The following RBMS1 variants were observed in gnomAD, a reference collection of about 807,000 sequenced individuals.
RBMS1 encodes the protein RNA binding motif single stranded interacting protein 1, also known as RNA-binding motif, single-stranded-interacting protein 1.
RBMS1 carries 17 observed loss-of-function variants against 62.3 expected under a neutral mutation model. The observed-to-expected ratio is 0.27, with a 90% CI of 0.19 to 0.41. The LOEUF (loss-of-function observed/expected upper bound fraction) is 0.41, where lower values mean the gene tolerates loss of function less well. RBMS1 is among the 10% of genes least tolerant of loss of function. The pLI is 1.00. For missense variants in RBMS1, 334 were observed against 504.5 expected, an observed-to-expected ratio of 0.66 and a Z score of 3.24; for synonymous variants, 172 against 170.0, an observed-to-expected ratio of 1.01 and a Z score of -0.09.
chr2:160,436,928 C>T (rs1683135423), intron 1 of RBMS1, among the ~76,000 whole-genome samples: 2 of 152,096 alleles, frequency 1.3e-5, no homozygotes, highest in Admixed American at 6.6e-5. Flanking sequence ...ATGTGTTTAG[C>T]AAAAGAATCT....
At chr2:160,335,615 C>T (rs113114356) in intron 2 of RBMS1, among the ~76,000 whole-genome samples, 4 of 152,146 alleles carry the variant, frequency 2.6e-5, no homozygotes, top group African/African-American at 7.2e-5. Flanking sequence ...AACAGATTTT[C>T]GTAGAATCTT....
intron 2 of RBMS1, among the ~76,000 whole-genome samples, chr2:160,347,938 G>C (rs1356464374): frequency 6.6e-6 from 1 of 151,952 alleles, no homozygotes; most frequent in Admixed American, 6.6e-5. Flanking sequence ...GAGAAATGAG[G>C]CTAAAATAAA....
chr2:160,444,864 C>G (rs1337645348), intron 1 of RBMS1, among the ~76,000 whole-genome samples: 2 of 152,160 alleles, frequency 1.3e-5, no homozygotes, highest in Non-Finnish European at 1.5e-5. Context: ...AGGAGACACC[C>G]TTGGCAAGCC....
intron 1 of RBMS1, among the ~76,000 whole-genome samples, chr2:160,479,407 G>T (rs986279209): frequency 6.6e-6 from 1 of 152,230 alleles, no homozygotes; most frequent in African/African-American, 2.4e-5. Flanking sequence ...GCTAGCTGTA[G>T]AAAGCACAAA....
At position 160,493,567 on chromosome 2, in the gene RBMS1, TCCTCTTCC is replaced by T; in HGVS notation, c.-212_-205del. 10 of 590,636 alleles carry T rather than the reference TCCTCTTCC, an allele frequency of 1.7e-5. No homozygotes were observed. The highest frequency in any genetic ancestry group is 2.9e-5 in the Admixed American group (1 of 34,616). 36.6% of individuals were successfully genotyped at this position (590,636 alleles called of 1,614,324 possible). On this transcript the variant is annotated 5_prime_UTR_variant, in exon 1 of 14. Coordinates refer to ENST00000348849, the MANE Select transcript of RBMS1 (RefSeq NM_016836.4). ...TTCCTCCTCCTCCTCCTCCTCCTCC[TCCTCTTCC>T]TCCTCCTCCTCCTCCTCCCAGGCAG... is the stretch of plus-strand genomic sequence containing the variant.
At chr2:160,443,257 G>A (rs2105306566) in intron 1 of RBMS1, among the ~76,000 whole-genome samples, 1 of 151,204 alleles carries the variant, frequency 6.6e-6, no homozygotes, top group East Asian at 1.9e-4. Context: ...CAGAAAGAGA[G>A]CACAGCCCCT....
chr2:160,367,574 T>C (rs1305341176), intron 1 of RBMS1, 183 bp from the exon 2 acceptor site: 9 of 1,146,166 alleles, frequency 7.9e-6, no homozygotes, highest in Non-Finnish European at 1.0e-5. Context: ...CAACATAAAA[T>C]TGATAATAGG....
rs565449663 is a variant in RBMS1, at chr2:160,426,297, A to AGAAGGAAGGAAG, written c.76-58918_76-58907dup. Among the ~76,000 whole-genome samples, 137 of 56,162 alleles carry AGAAGGAAGGAAG rather than the reference A, an allele frequency of 2.4e-3. 7 individuals carry two copies. The highest frequency in any genetic ancestry group is 0.02 in the Admixed American group (103 of 5,156). The allele number at this position is 56,162 out of a possible 152,430, so 36.8% of individuals were successfully genotyped here. Reference sequence around the variant, plus strand: ...AGAAAGAAAGAAAGAAAGAAAAGAAAGAAGGAAGGAAGGAAGGAAGGAAGG... The same window carrying AGAAGGAAGGAAG: ...AGAAAGAAAGAAAGAAAGAAAAGAAAGAAGGAAGGAAGGAAGGAAGGAAGGAAGGAAGGAAGG... On this transcript the variant is annotated intron_variant, in intron 1 of 13. Coordinates refer to ENST00000348849, the MANE Select transcript of RBMS1 (RefSeq NM_016836.4).
intron 6 of RBMS1, among the ~76,000 whole-genome samples, chr2:160,293,357 C>T (rs1476642218): frequency 2.6e-5 from 4 of 152,162 alleles, no homozygotes; most frequent in Admixed American, 2.6e-4. Context: ...TTTCAAGCCC[C>T]ACTGGACACA....
intron 1 of RBMS1, among the ~76,000 whole-genome samples, chr2:160,404,054 G>A (rs948715106): frequency 6.6e-6 from 1 of 152,138 alleles, no homozygotes; most frequent in Non-Finnish European, 1.5e-5. Context: ...CTTTTCATAC[G>A]ATCAGATTGG....
chr2:160,329,113 T>C (rs994540800), intron 2 of RBMS1, among the ~76,000 whole-genome samples: 6 of 152,174 alleles, frequency 3.9e-5, no homozygotes, highest in African/African-American at 9.7e-5. Context: ...CACCAGCATA[T>C]TGATTTTCAA....
chr2:160,381,318 G>A (rs1250412276), intron 1 of RBMS1, among the ~76,000 whole-genome samples: 1 of 151,980 alleles, frequency 6.6e-6, no homozygotes, highest in Non-Finnish European at 1.5e-5. Flanking sequence ...TTATCTTTTT[G>A]TTACTATCAA....
At chr2:160,460,637 T>C (rs1401335677) in intron 1 of RBMS1, among the ~76,000 whole-genome samples, 1 of 152,230 alleles carries the variant, frequency 6.6e-6, no homozygotes, top group African/African-American at 2.4e-5. Flanking sequence ...CTGTTGCTTT[T>C]CCGCAATTTC....
chr2:160,298,829 A>G (rs1689068236), intron 6 of RBMS1, among the ~76,000 whole-genome samples: 1 of 152,200 alleles, frequency 6.6e-6, no homozygotes, highest in African/African-American at 2.4e-5. Flanking sequence ...CCTTCATCCA[A>G]TATGGCTGCG....
intron 1 of RBMS1, among the ~76,000 whole-genome samples, chr2:160,368,507 A>C (rs1276268112): frequency 6.6e-6 from 1 of 152,160 alleles, no homozygotes. Context: ...GACCCCTTAC[A>C]ATAAGCATAT....
rs1688298403 is a variant in RBMS1, at chr2:160,284,999, T to C, written c.802A>G (p.Asn268Asp). 1.9e-6 allele frequency: 3 copies of C among 1,612,982 alleles called. No homozygotes were observed. The South Asian group carries it at 3.3e-5, about 18-fold the overall frequency. ...GGATTTATTTTAACGACATACCCGT[T>C]CTGTATAGCAGCTGTAGTTGGGTCG... is the stretch of plus-strand genomic sequence containing the variant. Reference protein sequence around the residue: ...TYDPTTAAIQNGFYPSPYSIA... With the variant: ...TYDPTTAAIQDGFYPSPYSIA... The change falls in exon 8 of 14, where the codon AAC (asparagine) becomes GAC (aspartate). Residue 268 changes from asparagine to aspartate, a missense_variant. By Grantham distance (23) the Asn-to-Asp change is conservative (BLOSUM62 1). Transcript: ENST00000348849.
At chr2:160,454,673 C>A (rs1352293971) in intron 1 of RBMS1, among the ~76,000 whole-genome samples, 1 of 152,102 alleles carries the variant, frequency 6.6e-6, no homozygotes, top group Non-Finnish European at 1.5e-5. Flanking sequence ...AGAGGAGTGG[C>A]GAGCCAACCT....
intron 2 of RBMS1, among the ~76,000 whole-genome samples, chr2:160,328,988 A>T (rs1340528154): frequency 6.6e-6 from 1 of 152,200 alleles, no homozygotes; most frequent in Non-Finnish European, 1.5e-5. Flanking sequence ...CTATTAAAAC[A>T]GTGTGCAAAA....
intron 5 of RBMS1, among the ~76,000 whole-genome samples, chr2:160,301,582 G>C (rs1689209266): frequency 6.6e-6 from 1 of 152,214 alleles, no homozygotes; most frequent in Non-Finnish European, 1.5e-5. Flanking sequence ...CCACAGAGGT[G>C]ACAAAATGAT....
Sources: allele counts gnomAD v4.1 joint callset (sites outside exome capture counted in the v4.1 genomes callset), GRCh38; gene constraint gnomAD v4.1.1; transcripts MANE v1.5; gene names NCBI Gene and HGNC (gene_info 2026-07-23, HGNC 2026-07-21).